Variants in PTPRN2 observed in about 807,000 individuals in gnomAD.
PTPRN2 encodes protein tyrosine phosphatase receptor type N2, also known as receptor-type tyrosine-protein phosphatase N2.
Under a neutral mutation model 118.8 loss-of-function variants are expected in PTPRN2, and 74 were observed. The ratio of observed to expected loss-of-function variants is 0.62; its 90% CI spans 0.52 to 0.76. The LOEUF is 0.76. PTPRN2 is among the 30% of genes least tolerant of loss of function. The pLI, the probability that PTPRN2 is intolerant of heterozygous loss-of-function variation, is 0.00. For missense variants in PTPRN2, 1,481 were observed against 1,394.4 expected, an observed-to-expected ratio of 1.06 and a Z score of -0.99; for synonymous variants, 641 against 608.0, an observed-to-expected ratio of 1.05 and a Z score of -0.80.
At chr7:158,010,791 T>G (rs116784253) in intron 11 of PTPRN2, among the ~76,000 whole-genome samples, 2,157 of 152,346 alleles carry the variant, frequency 0.014, 49 homozygotes, top group African/African-American at 0.049. Flanking sequence ...AAACAAAAGT[T>G]AATTTATTCC....
chr7:158,066,465 A>C (rs1324798349), intron 11 of PTPRN2, among the ~76,000 whole-genome samples: 1 of 152,130 alleles, frequency 6.6e-6, no homozygotes, highest in Non-Finnish European at 1.5e-5. Context: ...CCTTTCCTTC[A>C]ACCACCTCCC....
chr7:158,136,656 T>C lies in PTPRN2; in HGVS notation c.1172A>G (p.Glu391Gly). The C allele has an allele frequency of 1.9e-6, 3 of 1,613,338 alleles. No individual in the cohort carries two copies. Among genetic ancestry groups the C allele is most frequent in the Non-Finnish European group, 2.5e-6 (3 of 1,179,318 alleles). The change falls in exon 8 of 23, where the codon GAG becomes GGG. Residue 391 changes from glutamate (E) to glycine (G), a missense_variant and splice_region_variant. Physicochemically the swap from Glu to Gly is moderately conservative, Grantham distance 98. Transcript: ENST00000389418. ...CAAACACCAGAGACGTCATCTTACC[T>C]CTTGGTAAAGTCTATCATCGTCGTC... ...VQDDDDRLYQEVHRLSATLGG... is the reference protein window; with the variant it reads ...VQDDDDRLYQGVHRLSATLGG...
chr7:158,465,207 C>T (rs1819306885), intron 2 of PTPRN2, among the ~76,000 whole-genome samples: 1 of 152,226 alleles, frequency 6.6e-6, no homozygotes, highest in Admixed American at 6.5e-5. Context: ...AAGTGACACT[C>T]TGGTGGCTCT....
intron 12 of PTPRN2, among the ~76,000 whole-genome samples, chr7:157,848,217 G>A (rs555564297): frequency 2.5e-4 from 35 of 138,504 alleles, no homozygotes; most frequent in African/African-American, 9.3e-4. Context: ...CATGGGTGCC[G>A]TATGTTTACA....
chr7:157,849,225 G>A (rs77929091), intron 12 of PTPRN2, among the ~76,000 whole-genome samples: 1,581 of 152,302 alleles, frequency 0.01, 30 homozygotes, highest in African/African-American at 0.037. Flanking sequence ...TGTTCCCACC[G>A]AAGAGGCAGA....
intron 12 of PTPRN2, chr7:157,864,848 C>G (rs988670355): frequency 1.4e-4 from 21 of 152,226 alleles, no homozygotes; most frequent in African/African-American, 5.1e-4. Context: ...GGTGACAGCC[C>G]CTCCTCTGTG....
intron 2 of PTPRN2, among the ~76,000 whole-genome samples, chr7:158,476,819 A>G (rs1446074321): frequency 6.6e-6 from 1 of 152,226 alleles, no homozygotes; most frequent in Non-Finnish European, 1.5e-5. Context: ...CCTCCCAGCA[A>G]ACTTCTGAGG....
intron 12 of PTPRN2, among the ~76,000 whole-genome samples, chr7:157,749,853 GA>G (rs1801345983): frequency 7.9e-6 from 1 of 127,374 alleles, no homozygotes; most frequent in East Asian, 2.5e-4. Context: ...GTGGGCTGTT[GA>G]GGTGATTCTG....
intron 1 of PTPRN2, chr7:158,541,485 G>A (rs999311221): frequency 5.2e-6 from 7 of 1,351,926 alleles, no homozygotes; most frequent in African/African-American, 3.0e-5. Context: ...CCTCTCCCTC[G>A]TCTGTGGACC....
intron 2 of PTPRN2, among the ~76,000 whole-genome samples, chr7:158,442,118 G>A (rs1230178945): frequency 4.7e-3 from 629 of 132,990 alleles, no homozygotes; most frequent in African/African-American, 0.011. Context: ...AGTGGTGGTG[G>A]TGGTGATAGT....
intron 1 of PTPRN2, among the ~76,000 whole-genome samples, chr7:158,510,792 A>G (rs1028455986): frequency 2.0e-5 from 3 of 152,208 alleles, no homozygotes; most frequent in African/African-American, 7.2e-5. Context: ...GACAGGTCGG[A>G]TGTGAATGTA....
chr7:157,690,413 C>A lies in PTPRN2; in HGVS notation c.1789-7476G>T, dbSNP rs1368841137. ...CAGCCTTCGAAAGCTCTCTTCCTCG[C>A]CCCACCACCTACGCGCCTGGTGATG... On this transcript the variant is annotated intron_variant, in intron 12 of 22. Transcript: ENST00000389418. The surrounding 1 kb of genome is among the most constrained non-coding windows in gnomAD (Gnocchi z 7.1). Among the ~76,000 whole-genome samples, 2 of 152,180 alleles carry A rather than the reference C, an allele frequency of 1.3e-5. No homozygotes were observed. The highest frequency in any genetic ancestry group is 2.9e-5 in the Non-Finnish European group (2 of 68,024).
chr7:158,166,807 C>T lies in PTPRN2; in HGVS notation c.910+124G>A, dbSNP rs116424199. 2,261 of 1,235,062 alleles carry T rather than the reference C, an allele frequency of 1.8e-3. 33 individuals are homozygous for T. The African/African-American group carries it at 0.03, about 17-fold the overall frequency. The allele number at this position is 1,235,062 out of a possible 1,614,324, so 76.5% of individuals were successfully genotyped here. ...CCTACATGGTGCCCCATTCCTGCCA[C>T]GCGTCCTCGGGGGAGTGCGGTGTGC... On this transcript the variant is annotated intron_variant, in intron 6 of 22. Coordinates refer to ENST00000389418, the MANE Select transcript of PTPRN2 (RefSeq NM_002847.5).
intron 3 of PTPRN2, among the ~76,000 whole-genome samples, chr7:158,235,646 A>C (rs1361530829): frequency 2.6e-5 from 4 of 152,216 alleles, no homozygotes; most frequent in Non-Finnish European, 4.4e-5. Context: ...ACAAATAGAC[A>C]GAAGAAATAA....
Position 158,525,669 on chromosome 7 carries a change from T to C in PTPRN2, c.113-35884A>G, listed in dbSNP as rs1054294381. Among the ~76,000 whole-genome samples, 1 of 152,198 alleles carries C rather than the reference T, an allele frequency of 6.6e-6. No homozygotes were observed. Among genetic ancestry groups the C allele is most frequent in the Non-Finnish European group, 1.5e-5 (1 of 68,030 alleles). On this transcript the variant is annotated intron_variant, in intron 1 of 22. Transcript: ENST00000389418. The surrounding 1 kb of genome is among the most constrained non-coding windows in gnomAD (Gnocchi z 4.1). The stretch of plus-strand genomic sequence containing the variant: ...TATTACGGGGATTTTTAAAGATCCT[T>C]TCATGCACAATGAGTATTTATCTAA...
intron 2 of PTPRN2, among the ~76,000 whole-genome samples, chr7:158,443,045 TAAAAAAAA>T (rs536101228): frequency 2.0e-4 from 28 of 136,912 alleles, no homozygotes; most frequent in Admixed American, 1.8e-3. Flanking sequence ...AAATAAGTAT[TAAAAAAAA>T]AAAAAAAAGC....
At chr7:158,033,808 C>T (rs755268446) in intron 11 of PTPRN2, among the ~76,000 whole-genome samples, 43 of 149,488 alleles carry the variant, frequency 2.9e-4, no homozygotes, top group African/African-American at 9.7e-4. Flanking sequence ...GCTGACTGCA[C>T]GCTGAGACCT....
chr7:158,340,934 C>G (rs1449564745), intron 2 of PTPRN2, among the ~76,000 whole-genome samples: 1 of 86,486 alleles, frequency 1.2e-5, no homozygotes, highest in African/African-American at 4.1e-5. Context: ...GTCAATCACA[C>G]TCACACTCTC....
rs190306276 is a variant in PTPRN2, at chr7:158,340,463, T to A, written c.164-23531A>T. ...AAGAGCTGACACCCGCAGACGTCACTCACATCCACACTCTCACCATAATAG... is the reference window on the plus strand; with the variant it reads ...AAGAGCTGACACCCGCAGACGTCACACACATCCACACTCTCACCATAATAG... On this transcript the variant is annotated intron_variant, in intron 2 of 22. Transcript: ENST00000389418. 6.9e-3 allele frequency among the ~76,000 whole-genome samples: 684 copies of A among 99,548 alleles called. 29 individuals are homozygous for A. The highest frequency in any genetic ancestry group is 0.028 in the African/African-American group (651 of 23,488). The allele number at this position is 99,548 out of a possible 152,430, so 65.3% of individuals were successfully genotyped here.
Sources: allele counts gnomAD v4.1 joint callset (sites outside exome capture counted in the v4.1 genomes callset), GRCh38; gene constraint gnomAD v4.1.1; non-coding constraint Gnocchi (gnomAD v3.1); transcripts MANE v1.5; gene names NCBI Gene and HGNC (gene_info 2026-07-23, HGNC 2026-07-21).